The following AGAP1 variants were observed in gnomAD, a reference collection of about 807,000 sequenced individuals.
AGAP1 encodes arf-GAP with GTPase, ANK repeat and PH domain-containing protein 1.
In AGAP1, 29 loss-of-function variants were observed where a neutral mutation model predicts 105.3. The ratio of observed to expected loss-of-function variants is 0.28; its 90% CI spans 0.21 to 0.38. AGAP1 has a LOEUF of 0.38. AGAP1 is among the 10% of genes least tolerant of loss of function. The pLI, the probability that AGAP1 is intolerant of heterozygous loss-of-function variation, is 1.00. For synonymous variants in AGAP1, 509 were observed against 485.9 expected (o/e 1.05, Z -0.63); for missense variants, 998 against 1,165.1 (o/e 0.86, Z 2.09).
chr2:235,696,728 G>A (rs554377984), intron 1 of AGAP1, among the ~76,000 whole-genome samples: 8 of 152,208 alleles, frequency 5.3e-5, no homozygotes, highest in African/African-American at 1.9e-4. Context: ...CTTATCTGTG[G>A]GGGAAAAATT....
intron 1 of AGAP1, among the ~76,000 whole-genome samples, chr2:235,502,106 C>T (rs1285829185): frequency 6.6e-6 from 1 of 152,060 alleles, no homozygotes; most frequent in Non-Finnish European, 1.5e-5. Context: ...ATAGTGTGGG[C>T]TGTCTTTCCC....
At chr2:235,860,732 A>G (rs1442253002) in intron 9 of AGAP1, among the ~76,000 whole-genome samples, 7 of 152,240 alleles carry the variant, frequency 4.6e-5, no homozygotes, top group African/African-American at 1.7e-4. Flanking sequence ...TAATTGCAGG[A>G]AGATTCTGCT....
At chr2:235,755,541 A>G (rs1953856828) in intron 6 of AGAP1, among the ~76,000 whole-genome samples, 1 of 152,108 alleles carries the variant, frequency 6.6e-6, no homozygotes, top group Non-Finnish European at 1.5e-5. Context: ...CCCGGGTTCA[A>G]GCAGTTCTCC....
rs572002502 is a variant in AGAP1 at position 235,653,205 on chromosome 2, C to T, written c.164-55974C>T. On this transcript the variant is annotated intron_variant, in intron 1 of 17. Transcript: ENST00000304032. ...TTCCGGCCGGGCGCAGTGGCTCATG[C>T]CTGTAATCCCAGCACTTTGGGAGGC... Among the ~76,000 whole-genome samples the T allele has an allele frequency of 5.9e-5, 9 of 152,286 alleles. No homozygotes were observed. In the South Asian group the frequency reaches 1.9e-3, roughly 32 times the overall value.
intron 1 of AGAP1, among the ~76,000 whole-genome samples, chr2:235,503,349 T>G (rs1196094305): frequency 6.6e-6 from 1 of 152,132 alleles, no homozygotes. Context: ...AGGTCTGGGG[T>G]GCTGCTGTGA....
At chr2:235,533,929 TAACTGCTGAACCA>T (rs1336204106) in intron 1 of AGAP1, among the ~76,000 whole-genome samples, 1 of 152,242 alleles carries the variant, frequency 6.6e-6, no homozygotes, top group Non-Finnish European at 1.5e-5. Flanking sequence ...GATTGTGGCT[TAACTGCTGAACCA>T]AACCAATACT....
chr2:235,589,128 T>G (rs971273300), intron 1 of AGAP1, among the ~76,000 whole-genome samples: 6 of 151,268 alleles, frequency 4.0e-5, no homozygotes, highest in Admixed American at 6.6e-5. Context: ...TCTGGAAGGT[T>G]TCAGGAGCCC....
intron 16 of AGAP1, among the ~76,000 whole-genome samples, chr2:236,070,809 T>G (rs769294562): frequency 1.3e-5 from 2 of 152,142 alleles, no homozygotes; most frequent in Non-Finnish European, 2.9e-5. Flanking sequence ...GGGCAGTGCT[T>G]GCTCATGGGA....
At chr2:235,524,779 T>C (rs1462792220) in intron 1 of AGAP1, among the ~76,000 whole-genome samples, 1 of 152,194 alleles carries the variant, frequency 6.6e-6, no homozygotes, top group Non-Finnish European at 1.5e-5. Context: ...TTGGCTTGTC[T>C]TGGACCCAAA....
chr2:235,795,648 G>A (rs1957210769), intron 6 of AGAP1, among the ~76,000 whole-genome samples: 1 of 151,890 alleles, frequency 6.6e-6, no homozygotes, highest in Non-Finnish European at 1.5e-5. Context: ...AGGTAGAGGG[G>A]AAATAGGACA....
In AGAP1 at chr2:235,546,347, G is replaced by A. The variant is rs570759773; in HGVS notation, c.163+51498G>A. 5.9e-5 allele frequency among the ~76,000 whole-genome samples: 9 copies of A among 152,204 alleles called. No individual in the cohort carries two copies. The South Asian group carries it at 1.7e-3, about 28-fold the overall frequency. On this transcript the variant is annotated intron_variant, in intron 1 of 17. Transcript: ENST00000304032. ...TTATATCCCACAAAGAGAAATAGAT[G>A]GCTTAAAAGTCTTTTTCAGAGGCAG...
chr2:235,880,946 C>T (rs2049992277), intron 9 of AGAP1, among the ~76,000 whole-genome samples: 1 of 152,152 alleles, frequency 6.6e-6, no homozygotes, highest in South Asian at 2.1e-4. Flanking sequence ...GTAGCATTTT[C>T]CTGTGGGCTT....
rs377471732 is a variant in AGAP1 at position 236,054,872 on chromosome 2, G to A, written c.2114+5591G>A. On this transcript the variant is annotated intron_variant, in intron 16 of 17. Transcript: ENST00000304032. ...TGCCCCTGCCGCCACTGCCGGGCCC[G>A]GGCCCCCTCCCCGGCTGCCCTCCCC... Among the ~76,000 whole-genome samples the A allele has an allele frequency of 1.5e-3, 221 of 152,184 alleles. 1 individual carries two copies. The highest frequency in any genetic ancestry group is 4.7e-3 in the African/African-American group (197 of 41,512).
At chr2:235,541,488 C>T (rs913061752) in intron 1 of AGAP1, among the ~76,000 whole-genome samples, 3 of 148,736 alleles carry the variant, frequency 2.0e-5, no homozygotes, top group African/African-American at 7.4e-5. Context: ...CCCGGGTTCA[C>T]ACCATTCTCC....
In AGAP1 at chr2:236,044,499, T is replaced by C. The variant is rs1559221344; in HGVS notation, c.1891+3658T>C. Among the ~76,000 whole-genome samples, 1 of 152,116 alleles carries C rather than the reference T, an allele frequency of 6.6e-6. No individual in the cohort carries two copies. Among genetic ancestry groups the C allele is most frequent in the Non-Finnish European group, 1.5e-5 (1 of 68,002 alleles). ...GACCGTGCGCTGGTCCCTCCCACCC[T>C]GCTGCGTGGACCTCACAGGTGCCCC... is the stretch of plus-strand genomic sequence containing the variant. On this transcript the variant is annotated intron_variant, in intron 15 of 17. Transcript: ENST00000304032. This position sits in a 1 kb window ranked among gnomAD's most constrained non-coding sequence, Gnocchi z 5.7.
At chr2:235,998,824 G>C (rs2055933951) in intron 13 of AGAP1, among the ~76,000 whole-genome samples, 1 of 147,312 alleles carries the variant, frequency 6.8e-6, no homozygotes, top group Non-Finnish European at 1.5e-5. Flanking sequence ...CTTGGTGAGA[G>C]TTGGTGATGG....
intron 1 of AGAP1, among the ~76,000 whole-genome samples, chr2:235,595,680 T>C (rs7582859): frequency 0.17 from 25,293 of 152,080 alleles, 2,642 homozygotes; most frequent in South Asian, 0.29. Context: ...GCAGATGCAT[T>C]GCTAAAGCGT....
In AGAP1 at chr2:235,723,765, C is replaced by CGTTCGTTG. The variant is rs1951505802; in HGVS notation, c.310+6124_310+6125insCGTTGGTT. Among the ~76,000 whole-genome samples the CGTTCGTTG allele has an allele frequency of 6.7e-6, 1 of 149,894 alleles. No individual in the cohort carries two copies. The highest frequency in any genetic ancestry group is 2.1e-4 in the South Asian group (1 of 4,666). ...ATATGGATTGAGTGGGAGCTTTTAT[C>CGTTCGTTG]GTTGGTTGGTTGGTTGGTTGGTTGG... On this transcript the variant is annotated intron_variant, in intron 3 of 17. Transcript: ENST00000304032. The surrounding 1 kb of genome is among the most constrained non-coding windows in gnomAD (Gnocchi z 6.2).
At position 235,958,407 on chromosome 2, in the gene AGAP1, C is replaced by T. The variant is rs1302916177; in HGVS notation, c.1484-10055C>T. ...TTGCAGAGATCAAGTGCACCTACGC[C>T]CAGCACCTCCCCCAGCGGACACATT... On this transcript the variant is annotated intron_variant, in intron 12 of 17. Transcript: ENST00000304032. The surrounding 1 kb of genome is among the most constrained non-coding windows in gnomAD (Gnocchi z 4.1). Among the ~76,000 whole-genome samples, 2 of 152,054 alleles carry T rather than the reference C, an allele frequency of 1.3e-5. No individual in the cohort carries two copies. The highest frequency in any genetic ancestry group is 2.9e-5 in the Non-Finnish European group (2 of 68,016).
Sources: gnomAD v4.1 joint callset for allele counts (sites outside exome capture counted in the v4.1 genomes callset) on GRCh38, gnomAD v4.1.1 for gene constraint, Gnocchi (gnomAD v3.1) non-coding constraint, MANE v1.5 for transcripts, NCBI Gene and HGNC (gene_info 2026-07-23, HGNC 2026-07-21) for gene names.